The following GRHL2 variants were observed in gnomAD, a reference collection of about 807,000 sequenced individuals.
GRHL2 encodes the protein grainyhead like transcription factor 2, also known as grainyhead-like protein 2 homolog.
GRHL2 carries 21 observed loss-of-function variants against 83.8 expected under a neutral mutation model. The ratio of observed to expected loss-of-function variants is 0.25; its 90% confidence interval spans 0.18 to 0.36. GRHL2 has a LOEUF of 0.36. GRHL2 is among the 10% of genes least tolerant of loss of function. The pLI is 1.00. For synonymous variants in GRHL2, 280 were observed against 278.9 expected, an observed-to-expected ratio of 1.00 and a Z score of -0.04; for missense variants, 623 against 781.8, an observed-to-expected ratio of 0.80 and a Z score of 2.42.
At chr8:101,494,148 G>A (rs1462809069) in intron 1 of GRHL2, among the ~76,000 whole-genome samples, 2 of 152,130 alleles carry the variant, frequency 1.3e-5, no homozygotes, top group Admixed American at 6.5e-5. Flanking sequence ...GGAGAGGGCC[G>A]GTGCCCCAAG....
At chr8:101,586,430 G>C (rs115705431) in intron 7 of GRHL2, among the ~76,000 whole-genome samples, 1 of 151,838 alleles carries the variant, frequency 6.6e-6, no homozygotes, top group African/African-American at 2.4e-5. Context: ...GCCCTCTCTC[G>C]CTTCTTCACC....
intron 3 of GRHL2, among the ~76,000 whole-genome samples, chr8:101,555,203 G>A (rs1811466866): frequency 6.6e-6 from 1 of 152,222 alleles, no homozygotes; most frequent in Non-Finnish European, 1.5e-5. Flanking sequence ...CTGTGTGTGT[G>A]CAAAGCCTGG....
At chr8:101,599,310 C>T (rs193253948) in intron 8 of GRHL2, among the ~76,000 whole-genome samples, 159 bp downstream of exon 8, 4 of 152,152 alleles carry the variant, frequency 2.6e-5, no homozygotes, top group Non-Finnish European at 4.4e-5. Flanking sequence ...GGAGTGTGCT[C>T]CTCTGTGGCT....
At chr8:101,513,161 T>G (rs1412974848) in intron 1 of GRHL2, among the ~76,000 whole-genome samples, 2 of 151,366 alleles carry the variant, frequency 1.3e-5, no homozygotes. Flanking sequence ...TACAGGGTCA[T>G]GTTGTTGTTG....
chr8:101,527,478 G>A (rs1810832115), intron 1 of GRHL2, among the ~76,000 whole-genome samples: 1 of 152,130 alleles, frequency 6.6e-6, no homozygotes. Flanking sequence ...TGGAATTATA[G>A]CTATGAGCCA....
rs192843671 is a variant in GRHL2, at chr8:101,609,259, T to A, written c.1098+10108T>A. On this transcript the variant is annotated intron_variant, in intron 8 of 15. Coordinates refer to ENST00000646743, the MANE Select transcript of GRHL2 (RefSeq NM_024915.4). ...GAGGACAAGGAGAGGGCCACCAAAG[T>A]CCAATGGTTTAGGCAGTGGTTGCTC... Among the ~76,000 whole-genome samples the A allele has an allele frequency of 5.8e-4, 88 of 150,484 alleles. 3 individuals are homozygous for A. The highest frequency in any genetic ancestry group is 2.1e-3 in the African/African-American group (86 of 40,042).
At chr8:101,494,168 C>T (rs939671744) in intron 1 of GRHL2, among the ~76,000 whole-genome samples, 2 of 152,166 alleles carry the variant, frequency 1.3e-5, no homozygotes, top group Non-Finnish European at 2.9e-5. Context: ...GGCCGCGGGC[C>T]GCTGGGCCTG....
intron 1 of GRHL2, among the ~76,000 whole-genome samples, chr8:101,515,232 G>C (rs533649897): frequency 6.8e-6 from 1 of 146,568 alleles, no homozygotes; most frequent in Admixed American, 6.8e-5. Context: ...TATGAGGTTG[G>C]GGTGTGGCCA....
intron 1 of GRHL2, among the ~76,000 whole-genome samples, chr8:101,537,925 C>A (rs929007785): frequency 3.3e-5 from 5 of 152,090 alleles, no homozygotes; most frequent in African/African-American, 1.2e-4. Context: ...AAAAAAATTT[C>A]TTTTCTTTCC....
rs370430018 is a variant in GRHL2 at position 101,570,375 on chromosome 8, A to C, written c.715A>C (p.Met239Leu). The C allele has an allele frequency of 6.2e-7, 1 of 1,613,940 alleles. No individual in the cohort carries two copies. The highest frequency in any genetic ancestry group is 8.5e-7 in the Non-Finnish European group (1 of 1,179,824). The change falls in exon 5 of 16, where the codon ATG becomes CTG. Residue 239 changes from methionine (M) to leucine (L), a missense_variant. Physicochemically the swap from Met to Leu is conservative, Grantham distance 15. Coordinates refer to ENST00000646743, the MANE Select transcript of GRHL2 (RefSeq NM_024915.4). ...TGCTTCAGTTGGGGCTGAGGAGTAC[A>C]TGTATGATCAGACATCAAGGTGAGT... is the stretch of plus-strand genomic sequence containing the variant. ...RSASVGAEEY[M>L]YDQTSSGTFQ...
chr8:101,493,498 G>A (rs1279037787), intron 1 of GRHL2, among the ~76,000 whole-genome samples: 2 of 152,072 alleles, frequency 1.3e-5, no homozygotes, highest in Non-Finnish European at 1.5e-5. Context: ...GTGCCCGGGG[G>A]GAAAGGACGG....
chr8:101,518,098 G>A (rs778807637), intron 1 of GRHL2, among the ~76,000 whole-genome samples: 9 of 152,176 alleles, frequency 5.9e-5, no homozygotes, highest in African/African-American at 1.9e-4. Context: ...CCACAGTATA[G>A]CAGCCTTTTC....
chr8:101,597,832 TA>T lies in GRHL2; in HGVS notation c.1004-1214del, dbSNP rs951049919. On this transcript the variant is annotated intron_variant, in intron 7 of 15. Coordinates refer to ENST00000646743, the MANE Select transcript of GRHL2 (RefSeq NM_024915.4). ...GTACCTTAAAACTTAAAGTATAATT[TA>T]AAAAAAAAAAGAAAAAAAGAAATAG... 2.8e-4 allele frequency among the ~76,000 whole-genome samples: 40 copies of T among 141,082 alleles called. No individual in the cohort carries two copies. In the East Asian group the frequency reaches 2.9e-3, roughly 10 times the overall value. 92.6% of individuals were successfully genotyped at this position (141,082 alleles called of 152,430 possible). A position where few individuals can be genotyped will look rare whatever the true frequency, so the allele number is the denominator to read the frequency against.
intron 6 of GRHL2, 109 bp from the exon 7 acceptor site, chr8:101,577,299 A>G (rs1811952851): frequency 1.3e-6 from 1 of 752,602 alleles, no homozygotes; most frequent in East Asian, 2.6e-5. Context: ...TTCTAAAGCA[A>G]GAAAAGCAAC....
rs866352615 is a variant in GRHL2, at chr8:101,558,760, G to A, written c.626G>A (p.Arg209His). 5 of 1,614,126 alleles carry A rather than the reference G, an allele frequency of 3.1e-6. No homozygotes were observed. In the Middle Eastern group the frequency reaches 4.9e-4, roughly 160 times the overall value. ...AGCGCCTATCTCAAAGACGACCAGC[G>A]CAGCACTCCGGACAGCACATACAGC... Reference protein sequence around the residue: ...THSAYLKDDQRSTPDSTYSES... With the variant: ...THSAYLKDDQHSTPDSTYSES... The change falls in exon 4 of 16, where the codon CGC (arginine) becomes CAC (histidine). Residue 209 changes from arginine to histidine, a missense_variant. Transcript: ENST00000646743.
At chr8:101,662,322 C>T (rs1001913444) in intron 14 of GRHL2, among the ~76,000 whole-genome samples, 5 of 152,176 alleles carry the variant, frequency 3.3e-5, no homozygotes, top group African/African-American at 7.2e-5. Context: ...CTGTCAGGCC[C>T]GCTACTTGGT....
rs186948839 is a variant in GRHL2 at position 101,582,921 on chromosome 8, T to C, written c.1003+5402T>C. 2.4e-4 allele frequency among the ~76,000 whole-genome samples: 36 copies of C among 152,322 alleles called. 1 individual carries two copies. The highest frequency in any genetic ancestry group is 4.4e-4 in the Non-Finnish European group (30 of 68,028). On this transcript the variant is annotated intron_variant, in intron 7 of 15. Transcript: ENST00000646743. Reference sequence around the variant, plus strand: ...ATGAATATCTTGTTTAGCCATGTTTTTCTGTTGTTGAATGAAGCAGATTTT... The same window carrying C: ...ATGAATATCTTGTTTAGCCATGTTTCTCTGTTGTTGAATGAAGCAGATTTT...
the GRHL2 span, among the ~76,000 whole-genome samples, chr8:101,676,237 G>A: frequency 1.3e-5 from 2 of 151,922 alleles, no homozygotes; most frequent in Non-Finnish European, 2.9e-5. Flanking sequence ...AAGAGCTTCT[G>A]CACAGCAAAA....
chr8:101,653,622 G>A (rs1042948651), intron 14 of GRHL2, among the ~76,000 whole-genome samples: 7 of 152,184 alleles, frequency 4.6e-5, no homozygotes, highest in South Asian at 2.1e-4. Flanking sequence ...ATGCGCTGTA[G>A]TCCCAGCCAC....
Sources: allele counts gnomAD v4.1 joint callset (sites outside exome capture counted in the v4.1 genomes callset), GRCh38; gene constraint gnomAD v4.1.1; transcripts MANE v1.5; gene names NCBI Gene and HGNC (gene_info 2026-07-23, HGNC 2026-07-21).